KAZN: variants seen among roughly 807,000 people sequenced by gnomAD.
KAZN encodes the protein kazrin, periplakin interacting protein.
KAZN carries 40 observed loss-of-function variants against 87.4 expected under a neutral mutation model. The observed-to-expected ratio is 0.46, with a 90% CI of 0.36 to 0.60. The LOEUF is 0.60. Ranked by LOEUF, KAZN falls within the 20% of genes least tolerant of loss-of-function variation. The probability of loss-of-function intolerance (pLI) is 0.00; values close to 1 mark genes in which losing one functional copy is unlikely to be tolerated. For missense variants in KAZN, 898 were observed against 1,073.9 expected, an observed-to-expected ratio of 0.84 and a Z score of 2.29; for synonymous variants, 466 against 458.3, an observed-to-expected ratio of 1.02 and a Z score of -0.22.
At chr1:13,961,278 T>C (rs1641740512) in intron 1 of KAZN, among the ~76,000 whole-genome samples, 1 of 152,130 alleles carries the variant, frequency 6.6e-6, no homozygotes, top group Non-Finnish European at 1.5e-5. Context: ...GAATAAACCA[T>C]AAACCAGAAC....
chr1:14,561,647 A>G (rs1674260083), intron 2 of KAZN, among the ~76,000 whole-genome samples: 1 of 152,148 alleles, frequency 6.6e-6, no homozygotes. Flanking sequence ...CGCACCTGTA[A>G]TCCCAGCACT....
intron 1 of KAZN, among the ~76,000 whole-genome samples, chr1:13,967,779 T>C (rs956645271): frequency 6.6e-6 from 1 of 152,206 alleles, no homozygotes; most frequent in African/African-American, 2.4e-5. Context: ...GTTCTCATTT[T>C]CATAAGACCA....
intron 13 of KAZN, among the ~76,000 whole-genome samples, chr1:15,110,387 G>GTCTT (rs1327949554): frequency 2.1e-4 from 5 of 23,854 alleles, no homozygotes; most frequent in African/African-American, 4.6e-4. Flanking sequence ...GTGTATTTGT[G>GTCTT]TGTTTGTGTG....
chr1:14,962,714 C>T (rs4421580), intron 2 of KAZN, among the ~76,000 whole-genome samples: 12,403 of 152,236 alleles, frequency 0.081, 1,672 homozygotes, highest in African/African-American at 0.28. Flanking sequence ...CTTTCCCATT[C>T]TGTGTCCCAG....
At chr1:15,111,830 CTTTA>C (rs1280000772) in intron 13 of KAZN, 3 of 154,128 alleles carry the variant, frequency 1.9e-5, no homozygotes, top group Admixed American at 6.3e-5. Flanking sequence ...TCCAATAAAA[CTTTA>C]TTTATAAAAT....
intron 2 of KAZN, among the ~76,000 whole-genome samples, chr1:14,246,443 CAT>C (rs1380864156): frequency 2.0e-5 from 3 of 152,120 alleles, no homozygotes; most frequent in African/African-American, 7.2e-5. Context: ...TTATTAAAAA[CAT>C]ATTACCATAA....
intron 2 of KAZN, among the ~76,000 whole-genome samples, chr1:14,417,481 A>G (rs1664892699): frequency 6.6e-6 from 1 of 152,192 alleles, no homozygotes. Context: ...TGCTCAGTCT[A>G]CAATGTATTT....
Position 15,034,828 on chromosome 1 carries a change from G to A in KAZN, c.498G>A (p.Leu166=), listed in dbSNP as rs1177252726. Residue 166 remains leucine (L), a synonymous_variant, in exon 3 of 15, where the codon CTG becomes CTA. Transcript: ENST00000376030. ...VSQMQQLYAT[L]ESREEQLRDF... Reference sequence around the variant, plus strand: ...AGATGCAGCAGCTGTATGCCACACTGGAGAGCCGCGAGGAGCAGCTCCGAG... The same window carrying A: ...AGATGCAGCAGCTGTATGCCACACTAGAGAGCCGCGAGGAGCAGCTCCGAG... The A allele has an allele frequency of 1.2e-6, 2 of 1,614,074 alleles. No homozygotes were observed. The highest frequency in any genetic ancestry group is 2.2e-5 in the East Asian group (1 of 44,884).
chr1:15,033,543 TGAGG>T (rs1671948499), intron 2 of KAZN, among the ~76,000 whole-genome samples: 1 of 152,202 alleles, frequency 6.6e-6, no homozygotes, highest in African/African-American at 2.4e-5. Context: ...CAGCAGTGCA[TGAGG>T]ATTCCAGTTT....
At chr1:14,276,504 C>A (rs1440453693) in intron 2 of KAZN, among the ~76,000 whole-genome samples, 1 of 152,136 alleles carries the variant, frequency 6.6e-6, no homozygotes, top group Admixed American at 6.6e-5. Flanking sequence ...AAGGTGTCAG[C>A]AGGGTTGGTT....
intron 1 of KAZN, among the ~76,000 whole-genome samples, chr1:14,841,281 T>G (rs2100930970): frequency 6.6e-6 from 1 of 151,608 alleles, no homozygotes; most frequent in East Asian, 1.9e-4. Flanking sequence ...GGTGGGTGCC[T>G]ATGGTCCCAG....
intron 2 of KAZN, among the ~76,000 whole-genome samples, chr1:14,581,792 G>T (rs1331688848): frequency 1.3e-5 from 2 of 152,140 alleles, no homozygotes; most frequent in Non-Finnish European, 2.9e-5. Flanking sequence ...TCCCTGGCTT[G>T]TTCCTGTGTG....
At chr1:14,564,649 C>CAAA (rs111282866) in intron 2 of KAZN, among the ~76,000 whole-genome samples, 3 of 142,614 alleles carry the variant, frequency 2.1e-5, no homozygotes, top group Non-Finnish European at 3.0e-5. Flanking sequence ...ACTAAAAATA[C>CAAA]AAAAAAAAAA....
In KAZN at chr1:15,060,239, C is replaced by A; in HGVS notation, c.984C>A (p.Gly328=). 1 of 1,614,224 alleles carries A rather than the reference C, an allele frequency of 6.2e-7. No homozygotes were observed. Among genetic ancestry groups the A allele is most frequent in the Non-Finnish European group, 8.5e-7 (1 of 1,180,038 alleles). ...SVISDASAAE[G]DRSSTPSDIN... ...TCTCCGACGCATCTGCCGCCGAAGG[C>A]GACCGGTCGTCCACACCGAGCGACA... The change falls in exon 6 of 15, where the codon GGC becomes GGA. Residue 328 remains glycine (G), a synonymous_variant. Coordinates refer to ENST00000376030, the MANE Select transcript of KAZN (RefSeq NM_201628.3).
chr1:14,614,893 C>A (rs967396086), intron 1 of KAZN, among the ~76,000 whole-genome samples: 1 of 152,366 alleles, frequency 6.6e-6, no homozygotes, highest in Non-Finnish European at 1.5e-5. Context: ...AATGCTGTCT[C>A]TTAACACTTC....
chr1:14,551,915 C>G (rs1214521837), intron 2 of KAZN, among the ~76,000 whole-genome samples: 1 of 152,178 alleles, frequency 6.6e-6, no homozygotes, highest in South Asian at 2.1e-4. Context: ...AGCCTGATGT[C>G]ATGTACTCTT....
chr1:14,321,273 C>G (rs993842567), intron 2 of KAZN, among the ~76,000 whole-genome samples: 1 of 151,992 alleles, frequency 6.6e-6, no homozygotes, highest in African/African-American at 2.4e-5. Context: ...TTTAAAAACT[C>G]TATCTCAAAG....
rs74488134 is a variant in KAZN, at chr1:14,125,598, G to A, written c.92-54837G>A. 7.5e-3 allele frequency among the ~76,000 whole-genome samples: 1,147 copies of A among 152,252 alleles called. 78 individuals carry two copies. The East Asian group carries it at 0.17, about 22-fold the overall frequency. The stretch of plus-strand genomic sequence containing the variant: ...AGCCACCAGAAGCTGGGAGGGTCAA[G>A]GGACTATGGTTCCCTGGAGACTTTT... On this transcript the variant is annotated intron_variant, in intron 1 of 16. Transcript: ENST00000636203.
intron 1 of KAZN, among the ~76,000 whole-genome samples, chr1:14,940,836 G>A (rs902856791): frequency 2.0e-5 from 3 of 150,624 alleles, no homozygotes; most frequent in Non-Finnish European, 4.4e-5. Flanking sequence ...GATGTGGCTA[G>A]CCCAGTAGCC....
Sources: allele counts gnomAD v4.1 joint callset (sites outside exome capture counted in the v4.1 genomes callset), GRCh38; gene constraint gnomAD v4.1.1; transcripts MANE v1.5; gene names NCBI Gene and HGNC (gene_info 2026-07-23, HGNC 2026-07-21).